Variants in EEFSEC observed in about 807,000 individuals in gnomAD.
EEFSEC encodes selenocysteine-specific elongation factor.
Under a neutral mutation model 42.1 loss-of-function variants are expected in EEFSEC, and 43 were observed. The ratio of observed to expected loss-of-function variants is 1.02; its 90% CI spans 0.80 to 1.32. The LOEUF (loss-of-function observed/expected upper bound fraction) is 1.32. Ranked by LOEUF, EEFSEC falls within the 40% of genes most tolerant of loss-of-function variation. The pLI is 0.00. For missense variants in EEFSEC, 745 were observed against 803.6 expected, an observed-to-expected ratio of 0.93 and a Z score of 0.88; for synonymous variants, 354 against 339.1, an observed-to-expected ratio of 1.04 and a Z score of -0.48.
intron 5 of EEFSEC, among the ~76,000 whole-genome samples, chr3:128,357,292 G>T (rs1428788898): frequency 6.6e-6 from 1 of 152,276 alleles, no homozygotes; most frequent in African/African-American, 2.4e-5. Flanking sequence ...CTAGGGAGAA[G>T]GTTCAGGATG....
At chr3:128,384,913 G>A (rs1028696452) in intron 6 of EEFSEC, among the ~76,000 whole-genome samples, 1 of 152,172 alleles carries the variant, frequency 6.6e-6, no homozygotes, top group Non-Finnish European at 1.5e-5. Flanking sequence ...AGCAGCAGTG[G>A]TGGGACAGGT....
intron 5 of EEFSEC, among the ~76,000 whole-genome samples, chr3:128,351,618 T>C (rs1215949123): frequency 6.6e-6 from 1 of 152,232 alleles, no homozygotes; most frequent in African/African-American, 2.4e-5. Flanking sequence ...CTTCACAGCT[T>C]GGGCAATTCC....
chr3:128,413,086 C>A (rs1410644657), downstream of EEFSEC, among the ~76,000 whole-genome samples: 1 of 152,134 alleles, frequency 6.6e-6, no homozygotes, highest in African/African-American at 2.4e-5. Flanking sequence ...CCACCCCCAA[C>A]ACAAACAGGG....
chr3:128,250,911 G>GTTTTTTTTTTTTTT (rs35594175), intron 2 of EEFSEC, among the ~76,000 whole-genome samples: 3 of 108,572 alleles, frequency 2.8e-5, no homozygotes, highest in East Asian at 2.9e-4. Flanking sequence ...GTTTTTTTTG[G>GTTTTTTTTTTTTTT]TTTTTTTTTT....
chr3:128,375,703 C>T (rs1237767603), intron 6 of EEFSEC, among the ~76,000 whole-genome samples: 1 of 152,198 alleles, frequency 6.6e-6, no homozygotes, highest in Non-Finnish European at 1.5e-5. Flanking sequence ...GCATCTCTTC[C>T]AGTGCCACAT....
At chr3:128,415,863 G>A in the EEFSEC span, among the ~76,000 whole-genome samples, 1 of 152,246 alleles carries the variant, frequency 6.6e-6, no homozygotes, top group African/African-American at 2.4e-5. Flanking sequence ...TCCTCACAGA[G>A]GGGAAACTGA....
At chr3:128,250,205 G>A (rs1417218425) in intron 2 of EEFSEC, among the ~76,000 whole-genome samples, 2 of 152,092 alleles carry the variant, frequency 1.3e-5, no homozygotes, top group Non-Finnish European at 2.9e-5. Context: ...TTTGTAGATT[G>A]TCTTTTCACT....
At chr3:128,351,219 TG>T (rs1319582245) in intron 5 of EEFSEC, among the ~76,000 whole-genome samples, 3 of 152,218 alleles carry the variant, frequency 2.0e-5, no homozygotes, top group Non-Finnish European at 4.4e-5. Context: ...ATTAGATAAC[TG>T]GATCTTGTGA....
intron 4 of EEFSEC, among the ~76,000 whole-genome samples, chr3:128,321,482 G>A (rs191214775): frequency 3.4e-4 from 51 of 152,170 alleles, no homozygotes; most frequent in Admixed American, 3.1e-3. Context: ...CTCTGTCCCA[G>A]GCTTCACTCC....
At chr3:128,287,969 C>A (rs770185130) in intron 4 of EEFSEC, among the ~76,000 whole-genome samples, 5 of 151,078 alleles carry the variant, frequency 3.3e-5, no homozygotes, top group East Asian at 3.9e-4. Flanking sequence ...CCCGCCCCCC[C>A]CAAAAAACTC....
intron 1 of EEFSEC, among the ~76,000 whole-genome samples, chr3:128,173,642 T>A (rs772668688): frequency 5.6e-4 from 86 of 152,228 alleles, no homozygotes; most frequent in Non-Finnish European, 1.0e-3. Flanking sequence ...TAATTTTTAT[T>A]TCCCTTCTCC....
chr3:128,301,110 C>T (rs1352359053), intron 4 of EEFSEC, among the ~76,000 whole-genome samples: 1 of 152,188 alleles, frequency 6.6e-6, no homozygotes, highest in Non-Finnish European at 1.5e-5. Context: ...TTGCACTCTC[C>T]AGCTCCAGGC....
intron 4 of EEFSEC, among the ~76,000 whole-genome samples, chr3:128,299,478 T>C (rs559516251): frequency 6.6e-6 from 1 of 152,322 alleles, no homozygotes; most frequent in Admixed American, 6.5e-5. Flanking sequence ...TACAGTCTGG[T>C]TATTAATCCC....
At chr3:128,306,394 C>T (rs2066828006) in intron 4 of EEFSEC, among the ~76,000 whole-genome samples, 3 of 152,082 alleles carry the variant, frequency 2.0e-5, no homozygotes, top group African/African-American at 7.2e-5. Context: ...TATTCATATC[C>T]TCACTGTAAA....
At chr3:128,206,349 A>G (rs2955125) in intron 1 of EEFSEC, among the ~76,000 whole-genome samples, 19,798 of 152,226 alleles carry the variant, frequency 0.13, 1,526 homozygotes, top group Admixed American at 0.2. Flanking sequence ...TTGACCAATC[A>G]TTAACCTCCC....
At chr3:128,199,058 C>T (rs2065617016) in intron 1 of EEFSEC, among the ~76,000 whole-genome samples, 2 of 152,192 alleles carry the variant, frequency 1.3e-5, no homozygotes, top group African/African-American at 4.8e-5. Context: ...TCTCCATCTC[C>T]TGACCTCAGG....
At chr3:128,187,640 G>A (rs2065478520) in intron 1 of EEFSEC, among the ~76,000 whole-genome samples, 1 of 152,226 alleles carries the variant, frequency 6.6e-6, no homozygotes. Context: ...CAGATAAAAG[G>A]TGGCCCTGCC....
At chr3:128,220,130 CAG>C (rs1305754241) in intron 1 of EEFSEC, among the ~76,000 whole-genome samples, 9 of 152,106 alleles carry the variant, frequency 5.9e-5, no homozygotes, top group African/African-American at 1.9e-4. Flanking sequence ...AACTGAAGGA[CAG>C]AGAGAGTGAG....
At chr3:128,302,621 T>A (rs1208845974) in intron 4 of EEFSEC, among the ~76,000 whole-genome samples, 3 of 152,132 alleles carry the variant, frequency 2.0e-5, no homozygotes, top group Non-Finnish European at 2.9e-5. Context: ...TTTTGTTTTT[T>A]TTTGGGGGAG....
Sources: gnomAD v4.1 joint callset for allele counts (sites outside exome capture counted in the v4.1 genomes callset) on GRCh38, gnomAD v4.1.1 for gene constraint, MANE v1.5 for transcripts, NCBI Gene and HGNC (gene_info 2026-07-23, HGNC 2026-07-21) for gene names.